The following STAU1 variants were observed in gnomAD, a reference collection of about 807,000 sequenced individuals.
The protein encoded by STAU1 is staufen double-stranded RNA binding protein 1, also known as double-stranded RNA-binding protein Staufen homolog 1.
STAU1 carries 13 observed loss-of-function variants against 62.9 expected under a neutral mutation model. The observed-to-expected ratio is 0.21, with a 90% CI of 0.13 to 0.33. STAU1 has a LOEUF of 0.33. Among genes scored for constraint, STAU1 ranks in the 10% least tolerant of loss-of-function variants. The probability of loss-of-function intolerance (pLI) is 1.00; values close to 1 mark genes in which losing one functional copy is unlikely to be tolerated. For synonymous variants in STAU1, 269 were observed against 265.1 expected, an observed-to-expected ratio of 1.01 and a Z score of -0.14; for missense variants, 571 against 712.1, an observed-to-expected ratio of 0.80 and a Z score of 2.25.
chr20:49,118,424 GAA>G lies in STAU1; in HGVS notation c.1114-18_1114-17del. 8 of 1,395,634 alleles carry G rather than the reference GAA, an allele frequency of 5.7e-6. No homozygotes were observed. Among genetic ancestry groups the G allele is most frequent in the Non-Finnish European group, 6.8e-6 (7 of 1,033,518 alleles). 86.5% of individuals were successfully genotyped at this position (1,395,634 alleles called of 1,614,324 possible). On this transcript the variant is annotated splice_polypyrimidine_tract_variant and intron_variant, in intron 9 of 13. Transcript: ENST00000371856. ...TTATGGGTGTCTTAAAAAAGAAGAA[GAA>G]AAAAAAAAGGCCATGAGCATAAATC...
At chr20:49,145,725 T>C (rs954526335) in intron 5 of STAU1, among the ~76,000 whole-genome samples, 9 of 150,060 alleles carry the variant, frequency 6.0e-5, no homozygotes, top group African/African-American at 1.7e-4. Flanking sequence ...CGAGACTCCG[T>C]CTTAAAAAAA....
the STAU1 span, among the ~76,000 whole-genome samples, chr20:49,216,927 G>A: frequency 6.6e-6 from 1 of 152,146 alleles, no homozygotes; most frequent in Non-Finnish European, 1.5e-5. Flanking sequence ...GGGGAATTAG[G>A]ATGTGAAGGC....
chr20:49,196,458 AAAGAAG>A, the STAU1 span, among the ~76,000 whole-genome samples: 4 of 149,732 alleles, frequency 2.7e-5, no homozygotes, highest in African/African-American at 4.9e-5. Flanking sequence ...AAAAAAAAAA[AAAGAAG>A]AAGAAGAAGA....
At chr20:49,178,889 C>A (rs554192423) in intron 1 of STAU1, among the ~76,000 whole-genome samples, 1 of 139,552 alleles carries the variant, frequency 7.2e-6, no homozygotes, top group African/African-American at 2.7e-5. Context: ...CTGGCTAACA[C>A]GGTGAAACAC....
the STAU1 span, among the ~76,000 whole-genome samples, chr20:49,207,029 C>T: frequency 5.9e-5 from 9 of 151,716 alleles, no homozygotes; most frequent in African/African-American, 1.9e-4. Context: ...GCTGGGATTA[C>T]AGGCGTCAGC....
chr20:49,168,922 C>CTA (rs1427444911), intron 2 of STAU1, among the ~76,000 whole-genome samples: 1 of 151,480 alleles, frequency 6.6e-6, no homozygotes, highest in Admixed American at 6.6e-5. Flanking sequence ...AATCCCCTTT[C>CTA]TATCTCGAAA....
At chr20:49,153,380 C>T (rs1320382571) in intron 4 of STAU1, among the ~76,000 whole-genome samples, 1 of 144,880 alleles carries the variant, frequency 6.9e-6, no homozygotes, top group Non-Finnish European at 1.5e-5. Flanking sequence ...GGGCAACATA[C>T]GGAGACCCTG....
chr20:49,201,083 GAAGAA>G, the STAU1 span, among the ~76,000 whole-genome samples: 2 of 101,714 alleles, frequency 2.0e-5, no homozygotes, highest in East Asian at 6.8e-4. Context: ...AGAAGAAGAA[GAAGAA>G]AAGAAAAGAA....
rs748741131 is a variant in STAU1 at position 49,153,975 on chromosome 20, G to T, written c.302C>A (p.Ser101Tyr). The change falls in exon 4 of 14, where the codon TCC (serine) becomes TAC (tyrosine). Residue 101 changes from serine (S) to tyrosine (Y), a missense_variant. By Grantham distance (144) the Ser-to-Tyr change is moderately radical. Transcript: ENST00000371856. ...KPVDPYSRMQ[S>Y]TYNYNMRGGA... ...TCCTCTCATGTTGTAGTTATAGGTG[G>T]ACTGCATCCGAGAGTAAGGGTCAAC... 68 of 1,612,396 alleles carry T rather than the reference G, an allele frequency of 4.2e-5. 1 individual carries two copies. Among genetic ancestry groups the T allele is most frequent in the Non-Finnish European group, 5.6e-5 (66 of 1,179,722 alleles).
At chr20:49,128,299 C>A (rs936949390) in intron 6 of STAU1, among the ~76,000 whole-genome samples, 4 of 152,144 alleles carry the variant, frequency 2.6e-5, no homozygotes, top group African/African-American at 9.7e-5. Context: ...GCACTACAGC[C>A]CGGGTACCAA....
chr20:49,116,887 A>G (rs1360795049), intron 12 of STAU1, among the ~76,000 whole-genome samples: 1 of 151,894 alleles, frequency 6.6e-6, no homozygotes, highest in African/African-American at 2.4e-5. Context: ...CCAGGCCAGC[A>G]GGGAAAAGGA....
chr20:49,188,830 A>C (rs1306508372), upstream of STAU1, among the ~76,000 whole-genome samples: 1 of 152,218 alleles, frequency 6.6e-6, no homozygotes, highest in Admixed American at 6.5e-5. Flanking sequence ...ACTGACAAAA[A>C]TCCCTGCCCT....
At chr20:49,133,873 G>A (rs1205641849) in intron 6 of STAU1, among the ~76,000 whole-genome samples, 1 of 152,146 alleles carries the variant, frequency 6.6e-6, no homozygotes, top group African/African-American at 2.4e-5. Flanking sequence ...AGGCAGAGAG[G>A]CATCAGCAGG....
chr20:49,178,901 G>A (rs901734311), intron 1 of STAU1, among the ~76,000 whole-genome samples: 4 of 126,166 alleles, frequency 3.2e-5, no homozygotes, highest in Non-Finnish European at 5.0e-5. Flanking sequence ...GTGAAACACC[G>A]TCTCCACTAA....
chr20:49,135,618 A>T (rs1298159419), intron 6 of STAU1, among the ~76,000 whole-genome samples: 1 of 152,154 alleles, frequency 6.6e-6, no homozygotes, highest in Non-Finnish European at 1.5e-5. Flanking sequence ...TGAAGCCATC[A>T]TGAACTCTCT....
intron 6 of STAU1, among the ~76,000 whole-genome samples, chr20:49,127,085 T>C (rs946278235): frequency 6.6e-6 from 1 of 152,174 alleles, no homozygotes; most frequent in South Asian, 2.1e-4. Flanking sequence ...CCGGGCGCGG[T>C]GGCTCACGCC....
intron 5 of STAU1, among the ~76,000 whole-genome samples, chr20:49,138,194 G>A (rs1311580205): frequency 6.6e-6 from 1 of 152,022 alleles, no homozygotes; most frequent in Non-Finnish European, 1.5e-5. Context: ...GAGGGGAGAG[G>A]ATCACCTGAG....
chr20:49,188,363 G>A (rs904448690), upstream of STAU1: 1 of 151,820 alleles, frequency 6.6e-6, no homozygotes, highest in Non-Finnish European at 1.5e-5. Flanking sequence ...AGCCCGGCAG[G>A]AAGTGACGGG....
At chr20:49,120,355 AATT>A in intron 8 of STAU1, among the ~76,000 whole-genome samples, 1 of 152,284 alleles carries the variant, frequency 6.6e-6, no homozygotes, top group South Asian at 2.1e-4. Context: ...ATAAGCTGAT[AATT>A]ATTTTAACAG....
Sources: gnomAD v4.1 joint callset for allele counts (sites outside exome capture counted in the v4.1 genomes callset) on GRCh38, gnomAD v4.1.1 for gene constraint, MANE v1.5 for transcripts, NCBI Gene and HGNC (gene_info 2026-07-23, HGNC 2026-07-21) for gene names.